CNTNAP4: variants seen among roughly 807,000 people sequenced by gnomAD.
CNTNAP4 encodes contactin associated protein family member 4.
Under a neutral mutation model 148.4 loss-of-function variants are expected in CNTNAP4, and 98 were observed. The observed-to-expected ratio is 0.66, with a 90% confidence interval of 0.56 to 0.78. The LOEUF is 0.78. Among genes scored for constraint, CNTNAP4 ranks in the 30% least tolerant of loss-of-function variants. CNTNAP4 has a pLI of 0.00. For synonymous variants in CNTNAP4, 730 were observed against 565.1 expected (o/e 1.29, Z -4.14); for missense variants, 1,935 against 1,565.6 (o/e 1.24, Z -3.98).
chr16:76,441,391 A>G (rs1392148885), intron 4 of CNTNAP4, among the ~76,000 whole-genome samples: 3 of 152,168 alleles, frequency 2.0e-5, no homozygotes, highest in East Asian at 1.9e-4. Context: ...TCTTAATTCC[A>G]TGGCAGATTG....
At chr16:76,307,858 T>G (rs1960663356) in intron 1 of CNTNAP4, among the ~76,000 whole-genome samples, 2 of 152,164 alleles carry the variant, frequency 1.3e-5, no homozygotes, top group South Asian at 4.1e-4. Flanking sequence ...TTGTGAAGAT[T>G]AATTGGAAAA....
chr16:76,383,357 A>G (rs1384390436), intron 3 of CNTNAP4, among the ~76,000 whole-genome samples: 2 of 151,744 alleles, frequency 1.3e-5, no homozygotes, highest in African/African-American at 2.4e-5. Context: ...GATTCTTGCC[A>G]AAGTTCTAAC....
intron 1 of CNTNAP4, among the ~76,000 whole-genome samples, chr16:76,296,916 G>A (rs1359722879): frequency 6.6e-6 from 1 of 152,132 alleles, no homozygotes; most frequent in African/African-American, 2.4e-5. Context: ...TCCATGGCAG[G>A]AAACATTTGA....
At chr16:76,405,737 G>C (rs1170432308) in intron 3 of CNTNAP4, among the ~76,000 whole-genome samples, 1 of 152,028 alleles carries the variant, frequency 6.6e-6, no homozygotes, top group Admixed American at 6.6e-5. Flanking sequence ...CATATATGTG[G>C]ACCCTCAGAG....
At chr16:76,410,616 G>C (rs1292115623) in intron 3 of CNTNAP4, among the ~76,000 whole-genome samples, 2 of 151,704 alleles carry the variant, frequency 1.3e-5, no homozygotes, top group African/African-American at 4.8e-5. Context: ...GTTTGTCTTT[G>C]TGAAGAATAG....
intron 1 of CNTNAP4, among the ~76,000 whole-genome samples, chr16:76,291,737 C>A (rs1184308654): frequency 6.6e-6 from 1 of 152,138 alleles, no homozygotes; most frequent in Non-Finnish European, 1.5e-5. Context: ...ATAAAGCAAA[C>A]AAACAATAAT....
intron 2 of CNTNAP4, among the ~76,000 whole-genome samples, chr16:76,323,834 C>A (rs1213671009): frequency 6.6e-6 from 1 of 152,156 alleles, no homozygotes; most frequent in East Asian, 1.9e-4. Flanking sequence ...CGCCAAGTAG[C>A]TAATCCTAAG....
intron 3 of CNTNAP4, among the ~76,000 whole-genome samples, chr16:76,366,943 A>G (rs1297211561): frequency 6.6e-6 from 1 of 152,128 alleles, no homozygotes; most frequent in Non-Finnish European, 1.5e-5. Context: ...CATCCATATA[A>G]ATGAGATCAT....
intron 21 of CNTNAP4, among the ~76,000 whole-genome samples, chr16:76,542,492 C>A (rs961057788): frequency 3.9e-5 from 6 of 152,112 alleles, no homozygotes; most frequent in African/African-American, 4.8e-5. Context: ...ACTGTGGGAC[C>A]CATCTACTTC....
At chr16:76,536,551 A>G (rs989701987) in intron 18 of CNTNAP4, among the ~76,000 whole-genome samples, 3 of 152,128 alleles carry the variant, frequency 2.0e-5, no homozygotes, top group Non-Finnish European at 4.4e-5. Context: ...TTTAAGATGC[A>G]TTGTTTTTTA....
intron 1 of CNTNAP4, among the ~76,000 whole-genome samples, chr16:76,282,255 C>A (rs1025820960): frequency 6.6e-6 from 1 of 151,744 alleles, no homozygotes; most frequent in Non-Finnish European, 1.5e-5. Context: ...GTTCAAAAAT[C>A]TTGATATTTC....
At chr16:76,373,722 C>G (rs1019415446) in intron 3 of CNTNAP4, among the ~76,000 whole-genome samples, 1 of 151,760 alleles carries the variant, frequency 6.6e-6, no homozygotes, top group Non-Finnish European at 1.5e-5. Context: ...TGGTGAAACC[C>G]TATCTCTACT....
chr16:76,522,638 T>TTCCTTCCTTCC (rs2083509066), intron 17 of CNTNAP4, among the ~76,000 whole-genome samples: 8 of 82,524 alleles, frequency 9.7e-5, no homozygotes, highest in Non-Finnish European at 1.8e-4. Flanking sequence ...TCCTTCCTTC[T>TTCCTTCCTTCC]TTCTTTCTTT....
At chr16:76,497,469 G>A (rs954565767) in intron 14 of CNTNAP4, among the ~76,000 whole-genome samples, 1 of 152,064 alleles carries the variant, frequency 6.6e-6, no homozygotes, top group Non-Finnish European at 1.5e-5. Flanking sequence ...CCAAGAGGAG[G>A]CAGCAAAGGA....
At position 76,292,532 on chromosome 16, in the gene CNTNAP4, G is replaced by A. The variant is rs564097410; in HGVS notation, c.85+14785G>A. Among the ~76,000 whole-genome samples, 3 of 150,684 alleles carry A rather than the reference G, an allele frequency of 2.0e-5. No individual in the cohort carries two copies. The Admixed American group carries it at 2.1e-4, about 10-fold the overall frequency. Reference sequence around the variant, plus strand: ...CTGGAGCTCAGTGCCTGTGGCCTCTGATAGGCTGCTGCAAATGCAGGTTTT... The same window carrying A: ...CTGGAGCTCAGTGCCTGTGGCCTCTAATAGGCTGCTGCAAATGCAGGTTTT... On this transcript the variant is annotated intron_variant, in intron 1 of 23. Coordinates refer to ENST00000611870, the MANE Select transcript of CNTNAP4 (RefSeq NM_033401.5).
At chr16:76,526,501 G>C (rs964012520) in intron 17 of CNTNAP4, among the ~76,000 whole-genome samples, 3 of 152,150 alleles carry the variant, frequency 2.0e-5, no homozygotes, top group African/African-American at 7.2e-5. Context: ...GTCCCTCTGA[G>C]AGATGATGGT....
At chr16:76,458,392 A>T (rs2080815328) in intron 8 of CNTNAP4, among the ~76,000 whole-genome samples, 1 of 152,156 alleles carries the variant, frequency 6.6e-6, no homozygotes, top group South Asian at 2.1e-4. Context: ...AATTAAATTT[A>T]TTATGTACTT....
intron 2 of CNTNAP4, among the ~76,000 whole-genome samples, chr16:76,348,804 T>G (rs1965129435): frequency 6.6e-6 from 1 of 150,470 alleles, no homozygotes; most frequent in Non-Finnish European, 1.5e-5. Context: ...TGAGAAAAAT[T>G]GGAGAGTGAT....
intron 3 of CNTNAP4, among the ~76,000 whole-genome samples, chr16:76,397,945 CATATATAT>C (rs71134756): frequency 4.1e-4 from 10 of 24,134 alleles, no homozygotes; most frequent in African/African-American, 2.1e-3. Context: ...AGATTATATA[CATATATAT>C]ATATATATAT....
Sources: allele counts gnomAD v4.1 joint callset (sites outside exome capture counted in the v4.1 genomes callset), GRCh38; gene constraint gnomAD v4.1.1; transcripts MANE v1.5; gene names NCBI Gene and HGNC (gene_info 2026-07-23, HGNC 2026-07-21).